The following GPHN variants were observed in gnomAD, a reference collection of about 807,000 sequenced individuals.
The protein encoded by GPHN is gephyrin.
GPHN carries 17 observed loss-of-function variants against 95.5 expected under a neutral mutation model. The observed-to-expected ratio is 0.18, with a 90% confidence interval of 0.12 to 0.27. The LOEUF is 0.27. GPHN is among the 10% of genes least tolerant of loss of function. The pLI, the probability that GPHN is intolerant of heterozygous loss-of-function variation, is 1.00. For missense variants in GPHN, 660 were observed against 978.1 expected, an observed-to-expected ratio of 0.67 and a Z score of 4.34; for synonymous variants, 320 against 322.5, an observed-to-expected ratio of 0.99 and a Z score of 0.08.
At chr14:66,686,156 A>G (rs1017470916) in intron 2 of GPHN, among the ~76,000 whole-genome samples, 1 of 152,122 alleles carries the variant, frequency 6.6e-6, no homozygotes, top group Non-Finnish European at 1.5e-5. Flanking sequence ...GTAGCCTTGT[A>G]GTATAGTTTG....
At chr14:67,395,423 A>G in the GPHN span, 1 of 1,613,956 alleles carries the variant, frequency 6.2e-7, no homozygotes. Flanking sequence ...GTGCGGGGGC[A>G]GCTTGAAGGA....
At chr14:66,777,797 T>G (rs2059438456) in intron 3 of GPHN, among the ~76,000 whole-genome samples, 1 of 152,074 alleles carries the variant, frequency 6.6e-6, no homozygotes, top group South Asian at 2.1e-4. Context: ...AAACTCTCAA[T>G]AAATTAGGTA....
intron 4 of GPHN, among the ~76,000 whole-genome samples, chr14:66,862,436 A>G (rs1258086406): frequency 2.0e-5 from 3 of 152,106 alleles, no homozygotes; most frequent in African/African-American, 7.2e-5. Flanking sequence ...ATCTTACTCA[A>G]AGTATTCCGA....
At chr14:67,465,978 C>T in the GPHN span, among the ~76,000 whole-genome samples, 66 of 152,270 alleles carry the variant, frequency 4.3e-4, 1 homozygote, top group Middle Eastern at 0.01. Context: ...GCCAGATCCT[C>T]CCCTAAAGCC....
chr14:67,516,400 G>A, the GPHN span, among the ~76,000 whole-genome samples: 1 of 152,120 alleles, frequency 6.6e-6, no homozygotes, highest in Non-Finnish European at 1.5e-5. Context: ...AGCTGGAGAG[G>A]GGGGGAAATG....
intron 1 of GPHN, among the ~76,000 whole-genome samples, chr14:66,584,765 T>G (rs2061350096): frequency 6.6e-6 from 1 of 152,170 alleles, no homozygotes; most frequent in Admixed American, 6.5e-5. Flanking sequence ...ATAAGCTTTT[T>G]GATGTGCTGC....
At chr14:67,201,076 G>A in the GPHN span, among the ~76,000 whole-genome samples, 6 of 152,134 alleles carry the variant, frequency 3.9e-5, no homozygotes, top group Non-Finnish European at 5.9e-5. Context: ...CAGGAGGATC[G>A]CTTGAGGCCA....
the GPHN span, chr14:67,208,323 G>T: frequency 3.1e-6 from 5 of 1,613,820 alleles, no homozygotes; most frequent in South Asian, 3.3e-5. Context: ...GAAGGTAAAA[G>T]ATATTTTCAA....
intron 18 of GPHN, among the ~76,000 whole-genome samples, chr14:67,144,261 A>G (rs1180418200): frequency 2.1e-5 from 2 of 95,346 alleles, no homozygotes; most frequent in Non-Finnish European, 4.0e-5. Context: ...ATATATATAT[A>G]TATATATATA....
At chr14:67,098,955 G>T (rs1270160044) in intron 12 of GPHN, among the ~76,000 whole-genome samples, 1 of 152,070 alleles carries the variant, frequency 6.6e-6, no homozygotes, top group Non-Finnish European at 1.5e-5. Flanking sequence ...AGTTGGTGTG[G>T]AACTCTGAAA....
chr14:67,644,775 G>A, the GPHN span, among the ~76,000 whole-genome samples: 1 of 152,088 alleles, frequency 6.6e-6, no homozygotes, highest in South Asian at 2.1e-4. Flanking sequence ...GAGCCAGGTG[G>A]ATCACTTGAG....
intron 18 of GPHN, among the ~76,000 whole-genome samples, chr14:67,153,675 G>A (rs187515409): frequency 1.1e-4 from 17 of 152,302 alleles, no homozygotes; most frequent in Admixed American, 2.6e-4. Flanking sequence ...ACCAGAAAGT[G>A]GGTGTTGCAC....
intron 9 of GPHN, among the ~76,000 whole-genome samples, chr14:67,002,204 A>G (rs2072277065): frequency 6.6e-6 from 1 of 150,748 alleles, no homozygotes; most frequent in Non-Finnish European, 1.5e-5. Context: ...CCCAGAATTG[A>G]GGAAGATATA....
intron 8 of GPHN, among the ~76,000 whole-genome samples, chr14:66,955,875 G>A (rs1245313640): frequency 2.0e-5 from 3 of 152,062 alleles, no homozygotes; most frequent in Non-Finnish European, 4.4e-5. Flanking sequence ...CCCTACAAAG[G>A]ACATGAACTC....
chr14:67,076,062 A>C (rs2076481077), intron 11 of GPHN, among the ~76,000 whole-genome samples: 1 of 151,818 alleles, frequency 6.6e-6, no homozygotes, highest in Admixed American at 6.6e-5. Flanking sequence ...TTCATGAAGG[A>C]AAGAGTCAAT....
At chr14:67,683,887 A>T in the GPHN span, among the ~76,000 whole-genome samples, 1 of 152,224 alleles carries the variant, frequency 6.6e-6, no homozygotes, top group Non-Finnish European at 1.5e-5. Flanking sequence ...GGAATCCAAG[A>T]ACCCTAAGTT....
chr14:67,352,688 G>C, the GPHN span: 1 of 394,404 alleles, frequency 2.5e-6, no homozygotes, highest in Non-Finnish European at 4.5e-6. Context: ...TCTAAATAAG[G>C]TAAGAGAGGC....
At chr14:67,025,621 A>G (rs563465730) in intron 10 of GPHN, among the ~76,000 whole-genome samples, 17 of 152,368 alleles carry the variant, frequency 1.1e-4, no homozygotes, top group Non-Finnish European at 2.2e-4. Context: ...AATATCCCAA[A>G]TAAATTGAGA....
intron 4 of GPHN, among the ~76,000 whole-genome samples, chr14:66,845,950 C>T (rs960815975): frequency 2.0e-5 from 3 of 151,696 alleles, no homozygotes; most frequent in Admixed American, 6.6e-5. Flanking sequence ...AACTCTGTAC[C>T]GTAGTGGCCT....
Sources: gnomAD v4.1 joint callset for allele counts (sites outside exome capture counted in the v4.1 genomes callset) on GRCh38, gnomAD v4.1.1 for gene constraint, MANE v1.5 for transcripts, NCBI Gene and HGNC (gene_info 2026-07-23, HGNC 2026-07-21) for gene names.